The following BMF variants were observed in gnomAD, a reference collection of about 807,000 sequenced individuals.
The protein encoded by BMF is bcl-2-modifying factor.
BMF carries 10 observed loss-of-function variants against 22.0 expected under a neutral mutation model. That is an observed-to-expected ratio of 0.45 (90% confidence interval 0.28 to 0.77). BMF has a LOEUF of 0.77. BMF is among the 30% of genes least tolerant of loss of function. The probability of loss-of-function intolerance (pLI) is 0.13; values close to 1 mark genes in which losing one functional copy is unlikely to be tolerated. For missense variants in BMF, 206 were observed against 226.8 expected (o/e 0.91, Z 0.59); for synonymous variants, 87 against 88.1 (o/e 0.99, Z 0.07).
rs539193424 is a variant in BMF, at chr15:40,091,780, C to T, written c.*7G>A. 2 of 1,596,652 alleles carry T rather than the reference C, an allele frequency of 1.3e-6. No homozygotes were observed. Among genetic ancestry groups the T allele is most frequent in the East Asian group, 4.5e-5 (2 of 44,370 alleles). On this transcript the variant is annotated 3_prime_UTR_variant, in exon 5 of 5. Coordinates refer to ENST00000354670, the MANE Select transcript of BMF (RefSeq NM_001003940.2). The stretch of plus-strand genomic sequence containing the variant: ...CTGGTGCCCCATGTGAAGAGGGCAG[C>T]CCACCCTCACCTAGGGCCTGCCCCG...
At chr15:40,102,275 A>T (rs939564539) in intron 4 of BMF, among the ~76,000 whole-genome samples, 4 of 152,050 alleles carry the variant, frequency 2.6e-5, no homozygotes, top group African/African-American at 9.7e-5. Context: ...CTAAAAGTAC[A>T]AAAATTAGCC....
At chr15:40,105,054 T>A (rs1387024289) in intron 3 of BMF, among the ~76,000 whole-genome samples, 1 of 152,152 alleles carries the variant, frequency 6.6e-6, no homozygotes. Context: ...CCAGAACTGC[T>A]TTGCCAGAAC....
chr15:40,100,107 A>G (rs1326885706), intron 4 of BMF, among the ~76,000 whole-genome samples: 1 of 152,144 alleles, frequency 6.6e-6, no homozygotes, highest in African/African-American at 2.4e-5. Flanking sequence ...TACAGTAACT[A>G]CTGTTTTTGA....
chr15:40,099,406 C>G (rs769335026), intron 4 of BMF, among the ~76,000 whole-genome samples: 1 of 152,176 alleles, frequency 6.6e-6, no homozygotes, highest in Non-Finnish European at 1.5e-5. Context: ...TAAAAGTACT[C>G]AACTGTCCCT....
At chr15:40,097,861 G>A (rs1330378519) in intron 4 of BMF, among the ~76,000 whole-genome samples, 5 of 152,176 alleles carry the variant, frequency 3.3e-5, no homozygotes, top group Non-Finnish European at 2.9e-5. Context: ...GCAGACTCAC[G>A]AAATCCCTGG....
At position 40,091,898 on chromosome 15, in the gene BMF, G is replaced by GAAAA; in HGVS notation, c.454-14_454-11dup. On this transcript the variant is annotated splice_polypyrimidine_tract_variant and intron_variant, in intron 4 of 4. Coordinates refer to ENST00000354670, the MANE Select transcript of BMF (RefSeq NM_001003940.2). ...TTTGGTTCTGCTGGTGCTGAAGGGAGAAAAAAAAAAAAGACCAACATAACT... is the reference window on the plus strand; with the variant it reads ...TTTGGTTCTGCTGGTGCTGAAGGGAGAAAAAAAAAAAAAAAAGACCAACATAACT... 1 of 1,233,508 alleles carries GAAAA rather than the reference G, an allele frequency of 8.1e-7. No homozygotes were observed. Among genetic ancestry groups the GAAAA allele is most frequent in the Non-Finnish European group, 1.1e-6 (1 of 900,156 alleles). The allele number at this position is 1,233,508 out of a possible 1,614,324, so 76.4% of individuals were successfully genotyped here.
In BMF at chr15:40,105,954, T is replaced by C. The variant is rs750255559; in HGVS notation, c.133A>G (p.Ser45Gly). The C allele has an allele frequency of 5.0e-6, 8 of 1,614,102 alleles. No individual in the cohort carries two copies. The highest frequency in any genetic ancestry group is 1.6e-4 in the Middle Eastern group (1 of 6,062). The change falls in exon 3 of 5, where the codon AGC becomes GGC. Residue 45 changes from serine (S) to glycine (G), a missense_variant. By Grantham distance (56) the Ser-to-Gly change is moderately conservative. Transcript: ENST00000354670. ...FAQSLLDCPL[S>G]RLQLFPLTHC... ...GTGAGAGGGAAGAGCTGAAGTCGGC[T>C]GAGGGGGCAGTCCAGTAGGCTCTGG...
At position 40,106,549 on chromosome 15, in the gene BMF, CACAT is replaced by C. The variant is rs1181648476; in HGVS notation, c.-5-462_-5-459del. 122 of 135,116 alleles carry C rather than the reference CACAT, an allele frequency of 9.0e-4. No individual in the cohort carries two copies. The highest frequency in any genetic ancestry group is 3.2e-3 in the African/African-American group (81 of 25,150). 8.4% of individuals were successfully genotyped at this position (135,116 alleles called of 1,614,324 possible). On this transcript the variant is annotated intron_variant, in intron 2 of 4. Coordinates refer to ENST00000354670, the MANE Select transcript of BMF (RefSeq NM_001003940.2). This position sits in a 1 kb window ranked among gnomAD's most constrained non-coding sequence, Gnocchi z 4.1. The stretch of plus-strand genomic sequence containing the variant: ...ACACACACACACACACACACACACA[CACAT>C]ACAGAGTCATTGTCCCAAGGAAATT...
At chr15:40,097,569 A>G (rs1389846451) in intron 4 of BMF, among the ~76,000 whole-genome samples, 2 of 152,214 alleles carry the variant, frequency 1.3e-5, no homozygotes, top group African/African-American at 4.8e-5. Flanking sequence ...TCAAATCTGT[A>G]TGACGCCTAG....
chr15:40,097,771 C>T (rs1487068956), intron 4 of BMF, among the ~76,000 whole-genome samples: 1 of 152,334 alleles, frequency 6.6e-6, no homozygotes, highest in African/African-American at 2.4e-5. Flanking sequence ...ACAAGGAAAA[C>T]CTGGGACTCA....
intron 4 of BMF, among the ~76,000 whole-genome samples, chr15:40,092,191 C>T (rs572318514): frequency 3.9e-5 from 6 of 152,278 alleles, no homozygotes; most frequent in Admixed American, 2.0e-4. Flanking sequence ...AGAGTTTAGC[C>T]AAGTGCTGCT....
intron 4 of BMF, among the ~76,000 whole-genome samples, chr15:40,098,082 C>G (rs1263552423): frequency 6.6e-6 from 1 of 152,226 alleles, no homozygotes; most frequent in Non-Finnish European, 1.5e-5. Flanking sequence ...AGACTCCTTG[C>G]CAAGAGCTTC....
At chr15:40,094,589 A>G (rs1034169294) in intron 4 of BMF, among the ~76,000 whole-genome samples, 1 of 152,154 alleles carries the variant, frequency 6.6e-6, no homozygotes, top group Non-Finnish European at 1.5e-5. Flanking sequence ...TACTAGATCA[A>G]TGGTTTCTAA....
rs2036224471 is a variant in BMF at position 40,091,259 on chromosome 15, C to G, written c.*528G>C. 6.5e-6 allele frequency: 1 copy of G among 152,856 alleles called. No homozygotes were observed. Among genetic ancestry groups the G allele is most frequent in the South Asian group, 2.1e-4 (1 of 4,832 alleles). The allele number at this position is 152,856 out of a possible 1,614,324, so 9.5% of individuals were successfully genotyped here. A position where few individuals can be genotyped will look rare whatever the true frequency, so the allele number is the denominator to read the frequency against. On this transcript the variant is annotated 3_prime_UTR_variant, in exon 5 of 5. Transcript: ENST00000354670. Reference sequence around the variant, plus strand: ...CCCAGTCAGATGTGGAGCTGGCCGGCCAGCCTAGTGAAGCTGCTATCCTCA... The same window carrying G: ...CCCAGTCAGATGTGGAGCTGGCCGGGCAGCCTAGTGAAGCTGCTATCCTCA...
At chr15:40,108,494 G>A (rs2036633357) in intron 1 of BMF, 108 bp from the exon 2 acceptor site, 2 of 152,810 alleles carry the variant, frequency 1.3e-5, no homozygotes, top group South Asian at 2.1e-4. Context: ...GGGCGCCCAG[G>A]TCTGCTCAGC....
At chr15:40,101,625 T>C (rs1187533392) in intron 4 of BMF, among the ~76,000 whole-genome samples, 1 of 152,218 alleles carries the variant, frequency 6.6e-6, no homozygotes, top group Non-Finnish European at 1.5e-5. Context: ...CTGTAGTTTA[T>C]ATAAGAATCA....
chr15:40,105,807 G>C lies in BMF; in HGVS notation c.280C>G (p.Arg94Gly). Residue 94 changes from arginine to glycine, a missense_variant, in exon 3 of 5, where the codon CGA becomes GGA. By Grantham distance (125) the Arg-to-Gly change is moderately radical. Transcript: ENST00000354670. ...LPCGVTEEPQRLFYGNAGYRL... is the reference protein window; with the variant it reads ...LPCGVTEEPQGLFYGNAGYRL... ...TGAGAGCACTCACCATAAAAGAGTC[G>C]CTGGGGTTCCTCAGTCACCCCACAA... 6.2e-7 allele frequency: 1 copy of C among 1,607,824 alleles called. No homozygotes were observed. The highest frequency in any genetic ancestry group is 1.7e-4 in the Middle Eastern group (1 of 6,026).
At chr15:40,107,112 C>T (rs566483896) in intron 2 of BMF, among the ~76,000 whole-genome samples, 1 of 152,172 alleles carries the variant, frequency 6.6e-6, no homozygotes, top group African/African-American at 2.4e-5. Flanking sequence ...GAGCTTGGAG[C>T]TACTCAGCAT....
chr15:40,107,533 AGTGTGTGTGTGTGT>A (rs58296260), intron 2 of BMF, among the ~76,000 whole-genome samples: 9 of 137,508 alleles, frequency 6.5e-5, no homozygotes, highest in African/African-American at 1.7e-4. Context: ...GTGTTTCCCA[AGTGTGTGTGTGTGT>A]GTGTGTGTGT....
Sources: allele counts gnomAD v4.1 joint callset (sites outside exome capture counted in the v4.1 genomes callset), GRCh38; gene constraint gnomAD v4.1.1; non-coding constraint Gnocchi (gnomAD v3.1); transcripts MANE v1.5; gene names NCBI Gene and HGNC (gene_info 2026-07-23, HGNC 2026-07-21).